MNAT1: variants seen among roughly 807,000 people sequenced by gnomAD.
MNAT1 encodes the protein CDK-activating kinase assembly factor MAT1.
A neutral mutation model predicts 42.0 loss-of-function variants in MNAT1; 43 were observed. The observed-to-expected ratio is 1.02, with a 90% CI of 0.80 to 1.32. MNAT1 has a LOEUF of 1.32. Ranked by LOEUF, MNAT1 falls within the 40% of genes most tolerant of loss-of-function variation. MNAT1 has a pLI of 0.00. For synonymous variants in MNAT1, 118 were observed against 120.0 expected, an observed-to-expected ratio of 0.98 and a Z score of 0.11; for missense variants, 306 against 350.4, an observed-to-expected ratio of 0.87 and a Z score of 1.01.
At chr14:60,958,731 G>A (rs1434101387) in intron 7 of MNAT1, among the ~76,000 whole-genome samples, 2 of 146,976 alleles carry the variant, frequency 1.4e-5, no homozygotes, top group Admixed American at 6.9e-5. Flanking sequence ...CCGCCTCCTG[G>A]GTTCACACCA....
chr14:60,792,804 A>G (rs1049579862), intron 1 of MNAT1, among the ~76,000 whole-genome samples: 10 of 152,338 alleles, frequency 6.6e-5, no homozygotes, highest in Non-Finnish European at 1.3e-4. Flanking sequence ...TCTGATTTTT[A>G]AAAACAAAAA....
chr14:60,760,529 A>G (rs2030557916), intron 1 of MNAT1, among the ~76,000 whole-genome samples: 1 of 152,214 alleles, frequency 6.6e-6, no homozygotes, highest in Admixed American at 6.5e-5. Context: ...ACAGACATAA[A>G]GCATTTTTTT....
At chr14:60,918,198 CTTTTTTTTTTTTTTTT>C (rs386381525) in intron 7 of MNAT1, among the ~76,000 whole-genome samples, 5 of 48,600 alleles carry the variant, frequency 1.0e-4, no homozygotes, top group Admixed American at 4.1e-4. Context: ...ATTAATTGTT[CTTTTTTTTTTTTTTTT>C]TTTTTTTTTT....
intron 6 of MNAT1, among the ~76,000 whole-genome samples, chr14:60,869,101 T>C (rs1594817295): frequency 6.8e-6 from 1 of 146,962 alleles, no homozygotes; most frequent in Non-Finnish European, 1.5e-5. Flanking sequence ...TGCAGTGGCA[T>C]GATCTCGGCT....
At chr14:60,874,404 T>G (rs1289181351) in intron 6 of MNAT1, among the ~76,000 whole-genome samples, 1 of 152,286 alleles carries the variant, frequency 6.6e-6, no homozygotes. Flanking sequence ...CCCCATTGCC[T>G]TGCTTTTGTA....
chr14:60,844,117 C>T (rs763301488), intron 6 of MNAT1, among the ~76,000 whole-genome samples: 17 of 118,500 alleles, frequency 1.4e-4, no homozygotes, highest in Non-Finnish European at 1.2e-4. Context: ...TTTCTGTTTT[C>T]CTTATTCTGT....
chr14:60,916,201 G>T (rs1221630837), intron 7 of MNAT1, among the ~76,000 whole-genome samples: 1 of 152,086 alleles, frequency 6.6e-6, no homozygotes, highest in Non-Finnish European at 1.5e-5. Context: ...TTGTTTATTT[G>T]TTACAAATAA....
chr14:60,877,620 T>C (rs2034462980), intron 6 of MNAT1, among the ~76,000 whole-genome samples: 1 of 151,968 alleles, frequency 6.6e-6, no homozygotes, highest in African/African-American at 2.4e-5. Flanking sequence ...TAAAAAGTTA[T>C]GAAATAGAGA....
rs373311499 is a variant in MNAT1 at position 60,761,429 on chromosome 14, C to A, written c.89+26478C>A. ...TTCTCTAAGTGAAAACTATAATTTA[C>A]CTGAGAGCCCTTAATAATTGAGGAG... On this transcript the variant is annotated intron_variant, in intron 1 of 7. Coordinates refer to ENST00000261245, the MANE Select transcript of MNAT1 (RefSeq NM_002431.4). Among the ~76,000 whole-genome samples the A allele has an allele frequency of 1.3e-3, 200 of 152,236 alleles. 2 individuals are homozygous for A. The highest frequency in any genetic ancestry group is 2.3e-3 in the Non-Finnish European group (155 of 68,006).
At chr14:60,741,854 C>T (rs1039458306) in intron 1 of MNAT1, among the ~76,000 whole-genome samples, 1 of 151,756 alleles carries the variant, frequency 6.6e-6, no homozygotes, top group Non-Finnish European at 1.5e-5. Context: ...CTGGGAGACT[C>T]TACTTCACTG....
intron 1 of MNAT1, among the ~76,000 whole-genome samples, chr14:60,771,171 G>C (rs1394462914): frequency 2.0e-5 from 3 of 151,898 alleles, no homozygotes; most frequent in African/African-American, 7.3e-5. Flanking sequence ...CAGTATGGAG[G>C]GTTTTTTTGT....
intron 7 of MNAT1, among the ~76,000 whole-genome samples, chr14:60,931,747 A>ATG (rs1566564407): frequency 6.6e-6 from 1 of 151,922 alleles, no homozygotes; most frequent in Non-Finnish European, 1.5e-5. Flanking sequence ...ATATATATAT[A>ATG]TGTGTGTATA....
At chr14:60,957,573 G>A (rs937003175) in intron 7 of MNAT1, among the ~76,000 whole-genome samples, 24 of 152,144 alleles carry the variant, frequency 1.6e-4, no homozygotes, top group African/African-American at 5.8e-4. Context: ...GGAATTATGG[G>A]AGCTACAATT....
rs888859922 is a variant in MNAT1, at chr14:60,903,885, T to G, written c.809+24050T>G. Among the ~76,000 whole-genome samples, 799 of 150,588 alleles carry G rather than the reference T, an allele frequency of 5.3e-3. 3 individuals are homozygous for G. The highest frequency in any genetic ancestry group is 9.3e-3 in the Non-Finnish European group (629 of 67,514). On this transcript the variant is annotated intron_variant, in intron 7 of 7. Coordinates refer to ENST00000261245, the MANE Select transcript of MNAT1 (RefSeq NM_002431.4). ...TGTAAGTTTTTTTTTTTTTTTTTTTTTCTTTTTGATGGAGTTTCTCTCTGT... is the reference window on the plus strand; with the variant it reads ...TGTAAGTTTTTTTTTTTTTTTTTTTGTCTTTTTGATGGAGTTTCTCTCTGT...
intron 7 of MNAT1, among the ~76,000 whole-genome samples, chr14:60,938,285 G>T (rs1034940367): frequency 2.0e-5 from 3 of 152,130 alleles, no homozygotes; most frequent in Non-Finnish European, 4.4e-5. Context: ...TGGTGAGAGA[G>T]GGCATCCCTG....
At chr14:60,853,499 A>C (rs903196247) in intron 6 of MNAT1, among the ~76,000 whole-genome samples, 2 of 152,190 alleles carry the variant, frequency 1.3e-5, no homozygotes, top group Non-Finnish European at 2.9e-5. Flanking sequence ...AAACAGAGAC[A>C]ATTTGACTTC....
intron 6 of MNAT1, among the ~76,000 whole-genome samples, chr14:60,875,705 C>A (rs1019997821): frequency 3.3e-5 from 5 of 152,066 alleles, no homozygotes; most frequent in Non-Finnish European, 5.9e-5. Context: ...CCACAAACTT[C>A]AGAGAAGACT....
At chr14:60,962,965 A>G (rs2036621999) in intron 7 of MNAT1, among the ~76,000 whole-genome samples, 1 of 151,536 alleles carries the variant, frequency 6.6e-6, no homozygotes, top group African/African-American at 2.4e-5. Flanking sequence ...TTTGGACTTC[A>G]TGAAGCCATA....
chr14:60,775,559 A>G (rs2031217754), intron 1 of MNAT1, among the ~76,000 whole-genome samples: 1 of 152,228 alleles, frequency 6.6e-6, no homozygotes, highest in African/African-American at 2.4e-5. Flanking sequence ...GAAGAAACTC[A>G]TAATGCAGGA....
Sources: allele counts gnomAD v4.1 joint callset (sites outside exome capture counted in the v4.1 genomes callset), GRCh38; gene constraint gnomAD v4.1.1; transcripts MANE v1.5; gene names NCBI Gene and HGNC (gene_info 2026-07-23, HGNC 2026-07-21).